LYSMD1: variants seen among roughly 807,000 people sequenced by gnomAD.
The protein encoded by LYSMD1 is LysM domain containing 1, also known as lysM and putative peptidoglycan-binding domain-containing protein 1.
Under a neutral mutation model 19.3 loss-of-function variants are expected in LYSMD1, and 9 were observed. The ratio of observed to expected loss-of-function variants is 0.47; its 90% CI spans 0.28 to 0.81. The LOEUF (loss-of-function observed/expected upper bound fraction) is 0.81. Ranked by LOEUF, LYSMD1 falls within the 40% of genes least tolerant of loss-of-function variation. The pLI is 0.11. For synonymous variants in LYSMD1, 111 were observed against 111.7 expected (o/e 0.99, Z 0.04); for missense variants, 262 against 279.8 (o/e 0.94, Z 0.45).
At chr1:151,158,427 C>T (rs772686491), downstream of LYSMD1, among the ~76,000 whole-genome samples, 3 of 152,062 alleles carry the variant, frequency 2.0e-5, no homozygotes, top group South Asian at 2.1e-4. Context: ...GCTAGCCTCC[C>T]GTGTGCCCAC....
intron 1 of LYSMD1, among the ~76,000 whole-genome samples, chr1:151,164,591 A>G (rs587632101): frequency 6.6e-6 from 1 of 152,346 alleles, no homozygotes; most frequent in Admixed American, 6.5e-5. Context: ...AAGAGCAAGG[A>G]GAGGTGGGCA....
At chr1:151,163,598 G>A (rs1269267689) in intron 1 of LYSMD1, among the ~76,000 whole-genome samples, 6 of 151,886 alleles carry the variant, frequency 4.0e-5, no homozygotes, top group East Asian at 1.9e-4. Context: ...GCGCGATCTC[G>A]GCTCACTGAA....
the LYSMD1 span, among the ~76,000 whole-genome samples, chr1:151,153,368 T>C: frequency 6.6e-6 from 1 of 151,254 alleles, no homozygotes; most frequent in Non-Finnish European, 1.5e-5. Context: ...CTAAAAAAAA[T>C]TTGTGGCCAG....
At chr1:151,158,639 T>G, downstream of LYSMD1, 4 of 1,408,618 alleles carry the variant, frequency 2.8e-6, no homozygotes, top group Non-Finnish European at 3.9e-6. Context: ...TCTCTCTTTC[T>G]AAGGAAGCCT....
Position 151,160,831 on chromosome 1 carries a change from C to A in LYSMD1, c.*51G>T, listed in dbSNP as rs760235600. 30 of 1,587,526 alleles carry A rather than the reference C, an allele frequency of 1.9e-5. No individual in the cohort carries two copies. Among genetic ancestry groups the A allele is most frequent in the Non-Finnish European group, 2.3e-5 (27 of 1,159,192 alleles). Reference sequence around the variant, plus strand: ...GAGCCTCACCTCAGGCTCCTCTCCCCCTGAAGTTTCTCTTTCAACATCTTG... The same window carrying A: ...GAGCCTCACCTCAGGCTCCTCTCCCACTGAAGTTTCTCTTTCAACATCTTG... On this transcript the variant is annotated 3_prime_UTR_variant, in exon 3 of 3. Coordinates refer to ENST00000368908, the MANE Select transcript of LYSMD1 (RefSeq NM_212551.5).
chr1:151,151,356 ATTTTTTT>A, the LYSMD1 span, among the ~76,000 whole-genome samples: 6 of 137,578 alleles, frequency 4.4e-5, no homozygotes, highest in Non-Finnish European at 9.4e-5. Flanking sequence ...TGCCCAGCTA[ATTTTTTT>A]TTTTTTTTTG....
At chr1:151,149,157 G>A in the LYSMD1 span, among the ~76,000 whole-genome samples, 46 of 152,220 alleles carry the variant, frequency 3.0e-4, 2 homozygotes, top group East Asian at 8.5e-3. Context: ...TTGGGAGGCC[G>A]AAGTGGGCAG....
In LYSMD1 at chr1:151,161,986, A is replaced by G; in HGVS notation, c.295T>C (p.Ser99Pro). 6.2e-7 allele frequency: 1 copy of G among 1,614,090 alleles called. No individual in the cohort carries two copies. The highest frequency in any genetic ancestry group is 8.5e-7 in the Non-Finnish European group (1 of 1,180,024). The change falls in exon 2 of 3, where the codon TCT becomes CCT. Residue 99 changes from serine (S) to proline (P), a missense_variant. Transcript: ENST00000368908. ...EPRDLFNGLD[S>P]EEEKDGEEKV... ...TCCTCTCCATCTTTCTCTTCCTCAG[A>G]GTCCAAACCATTGAACAGGTCTCTG...
the LYSMD1 span, among the ~76,000 whole-genome samples, chr1:151,151,486 AC>A: frequency 6.7e-6 from 1 of 149,482 alleles, no homozygotes; most frequent in East Asian, 2.1e-4. Context: ...GGTGTGAGCC[AC>A]TGCGCCCGGC....
rs1388055302 is a variant in LYSMD1 at position 151,160,623 on chromosome 1, T to C, written c.*259A>G. On this transcript the variant is annotated 3_prime_UTR_variant, in exon 3 of 3. Transcript: ENST00000368908. Reference sequence around the variant, plus strand: ...AAGGATAGGAAAGGCAACAAGGATATAAAAAGAGCCTTTTGAGTCTAAAGG... The same window carrying C: ...AAGGATAGGAAAGGCAACAAGGATACAAAAAGAGCCTTTTGAGTCTAAAGG... 6.5e-6 allele frequency: 2 copies of C among 308,936 alleles called. No homozygotes were observed. The highest frequency in any genetic ancestry group is 6.0e-6 in the Non-Finnish European group (1 of 165,528). The allele number at this position is 308,936 out of a possible 1,614,324, so 19.1% of individuals were successfully genotyped here.
downstream of LYSMD1, among the ~76,000 whole-genome samples, chr1:151,157,753 G>T (rs140545451): frequency 3.9e-4 from 60 of 152,304 alleles, no homozygotes; most frequent in East Asian, 9.3e-3. Flanking sequence ...GATTGGGAAG[G>T]CTAAGATGAC....
downstream of LYSMD1, chr1:151,158,841 G>A (rs766684751): frequency 3.7e-6 from 6 of 1,614,040 alleles, no homozygotes; most frequent in African/African-American, 2.7e-5. Flanking sequence ...TGTCCAAGGA[G>A]TACACGCACA....
At chr1:151,149,980 C>G in the LYSMD1 span, among the ~76,000 whole-genome samples, 1 of 152,218 alleles carries the variant, frequency 6.6e-6, no homozygotes, top group Non-Finnish European at 1.5e-5. Context: ...TCATGTCTCT[C>G]TCATCCTAGT....
downstream of LYSMD1, chr1:151,159,181 C>T (rs587726767): frequency 1.9e-6 from 3 of 1,614,076 alleles, no homozygotes; most frequent in Non-Finnish European, 2.5e-6. Context: ...CCTCTATGGG[C>T]CTGACTTCAC....
In LYSMD1 at chr1:151,160,937, C is replaced by T. The variant is rs764931775; in HGVS notation, c.629G>A (p.Arg210His). The T allele has an allele frequency of 1.9e-5, 30 of 1,614,016 alleles. No individual in the cohort carries two copies. The East Asian group carries it at 2.7e-4, about 14-fold the overall frequency. ...RAVLGPVPLT[R>H]TSRTRTLRDQ... The stretch of plus-strand genomic sequence containing the variant: ...CCGTAGTGTCCGGGTCCGAGAGGTA[C>T]GGGTCAGCGGCACAGGACCTAGGAC... The change falls in exon 3 of 3, where the codon CGT (arginine) becomes CAT (histidine). Residue 210 changes from arginine to histidine, a missense_variant. By Grantham distance (29) the Arg-to-His change is conservative. Coordinates refer to ENST00000368908, the MANE Select transcript of LYSMD1 (RefSeq NM_212551.5).
chr1:151,150,740 T>C, the LYSMD1 span, among the ~76,000 whole-genome samples: 2 of 148,950 alleles, frequency 1.3e-5, no homozygotes, highest in Non-Finnish European at 3.0e-5. Flanking sequence ...TCTTTTCTTT[T>C]TTTTTTTTTT....
At chr1:151,152,003 AT>A in the LYSMD1 span, among the ~76,000 whole-genome samples, 3 of 152,016 alleles carry the variant, frequency 2.0e-5, no homozygotes, top group African/African-American at 7.3e-5. Flanking sequence ...AATGCCTGGC[AT>A]ACAGTAAGTA....
chr1:151,159,221 T>C, downstream of LYSMD1: 1 of 1,613,524 alleles, frequency 6.2e-7, no homozygotes, highest in South Asian at 1.1e-5. Context: ...TGTGACGGAC[T>C]CAGGAAGCTG....
At chr1:151,161,627 A>G in intron 2 of LYSMD1, 109 bp downstream of exon 2, 1 of 1,391,666 alleles carries the variant, frequency 7.2e-7, no homozygotes, top group Non-Finnish European at 9.8e-7. Flanking sequence ...GAAAGGTATC[A>G]CCTTGCCTCT....
Sources: gnomAD v4.1 joint callset for allele counts (sites outside exome capture counted in the v4.1 genomes callset) on GRCh38, gnomAD v4.1.1 for gene constraint, MANE v1.5 for transcripts, NCBI Gene and HGNC (gene_info 2026-07-23, HGNC 2026-07-21) for gene names.